CLMP: variants seen among roughly 807,000 people sequenced by gnomAD.
CLMP encodes CXADR-like membrane protein.
Under a neutral mutation model 45.2 loss-of-function variants are expected in CLMP, and 27 were observed. The ratio of observed to expected loss-of-function variants is 0.60; its 90% confidence interval spans 0.44 to 0.82. The LOEUF (loss-of-function observed/expected upper bound fraction) is 0.82, where lower values mean the gene tolerates loss of function less well. Ranked by LOEUF, CLMP falls within the 40% of genes least tolerant of loss-of-function variation. CLMP has a pLI of 0.00. For synonymous variants in CLMP, 167 were observed against 171.4 expected (o/e 0.97, Z 0.20); for missense variants, 403 against 448.4 (o/e 0.90, Z 0.91).
chr11:123,132,867 C>T (rs1394806846), intron 1 of CLMP, among the ~76,000 whole-genome samples: 1 of 151,970 alleles, frequency 6.6e-6, no homozygotes, highest in Non-Finnish European at 1.5e-5. Context: ...GCAACCTCCA[C>T]CTCCCAGGCT....
At chr11:123,110,359 T>TG in intron 1 of CLMP, among the ~76,000 whole-genome samples, 1 of 150,534 alleles carries the variant, frequency 6.6e-6, no homozygotes, top group Non-Finnish European at 1.5e-5. Flanking sequence ...GAGGCTGAGA[T>TG]GGGAGAATCG....
At chr11:123,121,731 T>C (rs79928501) in intron 1 of CLMP, among the ~76,000 whole-genome samples, 15,087 of 152,260 alleles carry the variant, frequency 0.099, 1,218 homozygotes, top group African/African-American at 0.23. Context: ...TTTAATAAAC[T>C]GGCTTATAAC....
chr11:123,136,428 G>GCCCTCCTTGTCCCCCCCCACCCCA (rs1019678827), intron 1 of CLMP: 14 of 337,016 alleles, frequency 4.2e-5, no homozygotes, highest in East Asian at 1.4e-4. Flanking sequence ...CCCCCACCCC[G>GCCCTCCTTGTCCCCCCCCACCCCA]CCCTCCTTGT....
At chr11:123,108,358 G>A (rs1860589394) in intron 1 of CLMP, among the ~76,000 whole-genome samples, 1 of 152,208 alleles carries the variant, frequency 6.6e-6, no homozygotes, top group South Asian at 2.1e-4. Flanking sequence ...AAGCTTGCAA[G>A]TTATCAGTGG....
intron 1 of CLMP, among the ~76,000 whole-genome samples, chr11:123,130,356 G>A (rs565566656): frequency 6.6e-6 from 1 of 152,236 alleles, no homozygotes; most frequent in South Asian, 2.1e-4. Flanking sequence ...GAGGTGCTGG[G>A]AAATGGCCCC....
intron 1 of CLMP, 152 bp downstream of exon 1, chr11:123,194,761 G>T: frequency 1.1e-6 from 1 of 915,696 alleles, no homozygotes; most frequent in Non-Finnish European, 1.7e-6. Flanking sequence ...TCGGTTGCCA[G>T]ATGTGCTCCT....
chr11:123,189,257 A>G (rs1861874688), intron 1 of CLMP, among the ~76,000 whole-genome samples: 1 of 152,238 alleles, frequency 6.6e-6, no homozygotes, highest in East Asian at 1.9e-4. Context: ...TCTTCTCAGT[A>G]ACACAGAGCC....
intron 1 of CLMP, 54 bp from the exon 2 acceptor site, chr11:123,098,006 G>A: frequency 1.4e-6 from 2 of 1,381,848 alleles, no homozygotes; most frequent in South Asian, 1.6e-5. Context: ...GCAATGTGTG[G>A]GGAGCAAATA....
chr11:123,084,760 G>T (rs75411284), intron 2 of CLMP, 47 bp from the exon 3 acceptor site: 1 of 1,534,072 alleles, frequency 6.5e-7, no homozygotes, highest in Non-Finnish European at 9.0e-7. Flanking sequence ...CTCTCAGCCT[G>T]CCTTTCCTGA....
intron 1 of CLMP, among the ~76,000 whole-genome samples, chr11:123,113,975 G>A (rs147547372): frequency 6.6e-6 from 1 of 152,262 alleles, no homozygotes; most frequent in East Asian, 1.9e-4. Context: ...GATCAGGCAA[G>A]AATGTATGCT....
At chr11:123,114,694 C>T (rs1234979322) in intron 1 of CLMP, among the ~76,000 whole-genome samples, 1 of 152,024 alleles carries the variant, frequency 6.6e-6, no homozygotes, top group Non-Finnish European at 1.5e-5. Flanking sequence ...TTAAAACCCC[C>T]AAATGTAACA....
At chr11:123,102,336 A>G (rs1449209277) in intron 1 of CLMP, among the ~76,000 whole-genome samples, 2 of 133,608 alleles carry the variant, frequency 1.5e-5, no homozygotes, top group South Asian at 2.4e-4. Context: ...GCTGGAGTGC[A>G]GTGGCACAAT....
intron 1 of CLMP, among the ~76,000 whole-genome samples, chr11:123,109,186 C>T (rs925605628): frequency 6.6e-6 from 1 of 151,954 alleles, no homozygotes; most frequent in Admixed American, 6.6e-5. Flanking sequence ...CTGCACTGAG[C>T]TTTTCACCTA....
At chr11:123,081,340 GT>G (rs1384188889) in intron 5 of CLMP, among the ~76,000 whole-genome samples, 4 of 152,038 alleles carry the variant, frequency 2.6e-5, no homozygotes, top group African/African-American at 9.7e-5. Flanking sequence ...GGTTTATCCT[GT>G]CTTTTTTCAA....
chr11:123,162,434 T>C (rs1470383254), intron 1 of CLMP, among the ~76,000 whole-genome samples: 2 of 152,122 alleles, frequency 1.3e-5, no homozygotes, highest in African/African-American at 2.4e-5. Context: ...GTATAATGCA[T>C]GTATAATGCA....
chr11:123,163,496 T>C (rs1591483127), intron 1 of CLMP, among the ~76,000 whole-genome samples: 2 of 152,146 alleles, frequency 1.3e-5, no homozygotes, highest in Non-Finnish European at 2.9e-5. Context: ...AGAGACACTA[T>C]GGAGCTGTAA....
intron 1 of CLMP, among the ~76,000 whole-genome samples, chr11:123,168,888 GC>G (rs1171733295): frequency 1.3e-5 from 2 of 152,156 alleles, no homozygotes; most frequent in Admixed American, 1.3e-4. Context: ...GGGTTATGCA[GC>G]ATCTACTCCC....
intron 1 of CLMP, among the ~76,000 whole-genome samples, chr11:123,142,322 T>A (rs947641731): frequency 7.9e-5 from 12 of 152,026 alleles, no homozygotes; most frequent in Non-Finnish European, 1.8e-4. Flanking sequence ...ACCTTGATTC[T>A]ACATGTTGGG....
chr11:123,180,469 C>A (rs1053712046), intron 1 of CLMP, among the ~76,000 whole-genome samples: 6 of 152,132 alleles, frequency 3.9e-5, no homozygotes, highest in African/African-American at 1.2e-4. Flanking sequence ...GACACCTAAC[C>A]TGTTGTGCCT....
Sources: gnomAD v4.1 joint callset for allele counts (sites outside exome capture counted in the v4.1 genomes callset) on GRCh38, gnomAD v4.1.1 for gene constraint, MANE v1.5 for transcripts, NCBI Gene and HGNC (gene_info 2026-07-23, HGNC 2026-07-21) for gene names.